Variants in BMP6 observed in about 807,000 individuals in gnomAD.
BMP6 encodes bone morphogenetic protein 6.
In BMP6, 17 loss-of-function variants were observed where a neutral mutation model predicts 54.1. That is an observed-to-expected ratio of 0.31 (90% CI 0.22 to 0.47). BMP6 has a LOEUF of 0.47. BMP6 is among the 20% of genes least tolerant of loss of function. The pLI, the probability that BMP6 is intolerant of heterozygous loss-of-function variation, is 1.00. For synonymous variants in BMP6, 328 were observed against 291.2 expected, an observed-to-expected ratio of 1.13 and a Z score of -1.28; for missense variants, 720 against 690.4, an observed-to-expected ratio of 1.04 and a Z score of -0.48.
chr6:7,793,075 A>G (rs1203379525), intron 1 of BMP6, among the ~76,000 whole-genome samples: 2 of 152,138 alleles, frequency 1.3e-5, no homozygotes, highest in Non-Finnish European at 2.9e-5. Context: ...GAAACTTGAT[A>G]TACAGTTAAT....
chr6:7,742,436 A>G (rs944509877), intron 1 of BMP6, among the ~76,000 whole-genome samples: 2 of 152,222 alleles, frequency 1.3e-5, no homozygotes, highest in Admixed American at 6.5e-5. Context: ...TCAGGCTGGT[A>G]GGCTTGGCAT....
intron 4 of BMP6, among the ~76,000 whole-genome samples, chr6:7,872,814 C>CTT (rs55666956): frequency 0.062 from 8,235 of 133,790 alleles, 819 homozygotes; most frequent in African/African-American, 0.2. Context: ...CTTTTTTTTT[C>CTT]TTTTTTTTTT....
At chr6:7,792,848 A>G (rs1758130165) in intron 1 of BMP6, among the ~76,000 whole-genome samples, 1 of 152,258 alleles carries the variant, frequency 6.6e-6, no homozygotes, top group Admixed American at 6.5e-5. Context: ...AACCAAAGAC[A>G]AGATGAACCC....
At chr6:7,862,641 T>C in intron 4 of BMP6, 143 bp downstream of exon 4, 1 of 1,103,576 alleles carries the variant, frequency 9.1e-7, no homozygotes, top group Non-Finnish European at 1.3e-6. Context: ...GATGGTACCT[T>C]GTACAGTCGC....
chr6:7,755,411 A>G (rs893903308), intron 1 of BMP6, among the ~76,000 whole-genome samples: 1 of 152,154 alleles, frequency 6.6e-6, no homozygotes, highest in African/African-American at 2.4e-5. Context: ...CTGTTTTTAA[A>G]TATTTTACCA....
intron 1 of BMP6, among the ~76,000 whole-genome samples, chr6:7,765,569 G>A (rs554030665): frequency 6.6e-6 from 1 of 152,346 alleles, no homozygotes; most frequent in East Asian, 1.9e-4. Flanking sequence ...TCATCTCCCA[G>A]GGGGAGGGAC....
intron 1 of BMP6, among the ~76,000 whole-genome samples, chr6:7,769,889 T>A (rs2113153451): frequency 6.6e-6 from 1 of 152,346 alleles, no homozygotes; most frequent in African/African-American, 2.4e-5. Context: ...CAGGCATCCT[T>A]GAAAACAGTG....
Position 7,727,578 on chromosome 6 carries a change from T to C in BMP6, c.623T>C (p.Phe208Ser), listed in dbSNP as rs750654076. The C allele has an allele frequency of 2.0e-5, 31 of 1,582,374 alleles. No homozygotes were observed. In the Admixed American group the frequency reaches 3.7e-4, roughly 19 times the overall value. ...SPLTSAQDSA[F>S]LNDADMVMSF... ...CTGACCAGCGCGCAGGACAGCGCCT[T>C]CCTCAACGACGCGGACATGGTCATG... Residue 208 changes from phenylalanine to serine, a missense_variant, in exon 1 of 7, where the codon TTC becomes TCC. Transcript: ENST00000283147.
chr6:7,815,894 CAG>C (rs34446535), intron 1 of BMP6, among the ~76,000 whole-genome samples: 35 of 152,282 alleles, frequency 2.3e-4, no homozygotes, highest in Admixed American at 7.2e-4. Flanking sequence ...CAAGAGGAAA[CAG>C]AACATAGTAG....
intron 1 of BMP6, among the ~76,000 whole-genome samples, chr6:7,766,968 A>AT (rs66955112): frequency 0.013 from 1,841 of 139,178 alleles, 16 homozygotes; most frequent in Non-Finnish European, 0.021. Flanking sequence ...TTATTTATTT[A>AT]TTTTTTTAAA....
intron 1 of BMP6, among the ~76,000 whole-genome samples, chr6:7,802,209 T>C (rs1758278955): frequency 6.6e-6 from 1 of 152,176 alleles, no homozygotes; most frequent in African/African-American, 2.4e-5. Flanking sequence ...AAAGAAAAGC[T>C]TACAGATATT....
chr6:7,832,266 A>G (rs1360106169), intron 1 of BMP6, among the ~76,000 whole-genome samples: 2 of 152,168 alleles, frequency 1.3e-5, no homozygotes, highest in African/African-American at 4.8e-5. Flanking sequence ...CGCCCCTGCA[A>G]ATTCATATCT....
At chr6:7,872,190 A>G (rs1561797882) in intron 4 of BMP6, among the ~76,000 whole-genome samples, 1 of 152,004 alleles carries the variant, frequency 6.6e-6, no homozygotes, top group African/African-American at 2.4e-5. Flanking sequence ...GTCACCACAT[A>G]CATTTCCACT....
intron 1 of BMP6, among the ~76,000 whole-genome samples, chr6:7,811,955 A>G (rs894357259): frequency 1.3e-5 from 2 of 152,240 alleles, no homozygotes; most frequent in African/African-American, 4.8e-5. Context: ...CTGTTCTGCA[A>G]ATAGTTAGAA....
chr6:7,780,703 T>TTTATTG lies in BMP6; in HGVS notation c.664+53090_664+53095dup, dbSNP rs1554120458. The stretch of plus-strand genomic sequence containing the variant: ...GTGACACAGACAATTCTATTTTTAT[T>TTTATTG]TTATTGTTATTATTATCATTATTAT... On this transcript the variant is annotated intron_variant, in intron 1 of 6. Transcript: ENST00000283147. Among the ~76,000 whole-genome samples the TTTATTG allele has an allele frequency of 9.4e-5, 10 of 106,356 alleles. No individual in the cohort carries two copies. In the South Asian group the frequency reaches 2.6e-3, roughly 28 times the overall value. The allele number at this position is 106,356 out of a possible 152,430, so 69.8% of individuals were successfully genotyped here.
In BMP6 at chr6:7,727,344, A is replaced by C. The variant is rs1761750508; in HGVS notation, c.389A>C (p.Lys130Thr). The part of the protein sequence containing the change: ...PRGEPPPGRL[K>T]SAPLFMLDLY... ...GGAGAGCCCCCTCCCGGGCGACTGA[A>C]GTCCGCGCCCCTCTTCATGCTGGAT... Residue 130 changes from lysine to threonine, a missense_variant, in exon 1 of 7, where the codon AAG (lysine) becomes ACG (threonine). Physicochemically the swap from Lys to Thr is moderately conservative, Grantham distance 78. Around this residue, in one of 3 missense-constraint regions of BMP6, gnomAD observed 650 missense variants for 556.3 expected, o/e 1.17. Transcript: ENST00000283147. 1.2e-6 allele frequency: 2 copies of C among 1,609,682 alleles called. No homozygotes were observed. Among genetic ancestry groups the C allele is most frequent in the East Asian group, 2.2e-5 (1 of 44,746 alleles).
At chr6:7,874,924 TGG>T (rs72515242) in intron 4 of BMP6, among the ~76,000 whole-genome samples, 55,041 of 146,776 alleles carry the variant, frequency 0.38, 11,042 homozygotes, top group East Asian at 0.66. Context: ...ATAGGATATA[TGG>T]AGATATATAT....
At chr6:7,838,068 T>C (rs1387813665) in intron 1 of BMP6, among the ~76,000 whole-genome samples, 1 of 152,184 alleles carries the variant, frequency 6.6e-6, no homozygotes, top group East Asian at 1.9e-4. Context: ...TTCCCCCTTA[T>C]CCACGGTTTC....
At chr6:7,866,872 T>C (rs187328500) in intron 4 of BMP6, among the ~76,000 whole-genome samples, 1 of 152,274 alleles carries the variant, frequency 6.6e-6, no homozygotes, top group African/African-American at 2.4e-5. Flanking sequence ...AGCATTTCTT[T>C]TTTGTTTGTT....
Sources: gnomAD v4.1 joint callset for allele counts (sites outside exome capture counted in the v4.1 genomes callset) on GRCh38, gnomAD v4.1.1 for gene constraint, gnomAD v4.1.1 regional missense constraint, MANE v1.5 for transcripts, NCBI Gene and HGNC (gene_info 2026-07-23, HGNC 2026-07-21) for gene names.